PCDH11X: variants seen among roughly 807,000 people sequenced by gnomAD.
PCDH11X encodes protocadherin 11 X-linked.
In PCDH11X, 18 loss-of-function variants were observed where a neutral mutation model predicts 53.3. That is an observed-to-expected ratio of 0.34 (90% confidence interval 0.23 to 0.50). The LOEUF is 0.50. Among genes scored for constraint, PCDH11X ranks in the 20% least tolerant of loss-of-function variants. PCDH11X has a pLI of 0.98. For missense variants in PCDH11X, 570 were observed against 1,032.4 expected (o/e 0.55, Z 6.14); for synonymous variants, 279 against 393.3 (o/e 0.71, Z 3.44).
intron 8 of PCDH11X, among the ~76,000 whole-genome samples, chrX:92,292,730 A>G (rs1352256983): frequency 8.9e-6 from 1 of 112,416 alleles, no homozygotes; most frequent in Non-Finnish European, 1.9e-5. Context: ...ACTATTGGGA[A>G]CAATAGACAA....
chrX:91,790,504 C>T (rs1021893846), intron 1 of PCDH11X, among the ~76,000 whole-genome samples: 7 of 112,184 alleles, frequency 6.2e-5, no homozygotes, highest in Non-Finnish European at 1.3e-4. Flanking sequence ...TTTTCATTTA[C>T]CTAATTTGAA....
chrX:92,297,819 T>C (rs1189713154), intron 8 of PCDH11X, among the ~76,000 whole-genome samples: 1 of 109,072 alleles, frequency 9.2e-6, no homozygotes, highest in Non-Finnish European at 1.9e-5. Flanking sequence ...CTCTAATTTC[T>C]CTGAGCACTG....
chrX:91,970,391 G>A (rs2061940716), intron 6 of PCDH11X, among the ~76,000 whole-genome samples: 1 of 111,278 alleles, frequency 9.0e-6, no homozygotes, highest in African/African-American at 3.3e-5. Flanking sequence ...GGTCCATTTT[G>A]ACAGCGTGCT....
chrX:92,375,504 T>C (rs900505596), intron 8 of PCDH11X, among the ~76,000 whole-genome samples: 3 of 105,088 alleles, frequency 2.9e-5, no homozygotes, highest in African/African-American at 1.0e-4. Flanking sequence ...TAAGAATTAG[T>C]TTATGTTTAT....
intron 8 of PCDH11X, among the ~76,000 whole-genome samples, chrX:92,293,966 A>T (rs1229458424): frequency 9.0e-6 from 1 of 110,564 alleles, no homozygotes; most frequent in Non-Finnish European, 1.9e-5. Context: ...TAGTGTATAG[A>T]TATATTGGTT....
chrX:91,828,120 CTTT>C (rs764755111), intron 4 of PCDH11X, among the ~76,000 whole-genome samples: 2 of 84,868 alleles, frequency 2.4e-5, no homozygotes, highest in African/African-American at 4.7e-5. Context: ...AGGCAGAATT[CTTT>C]TTTTTTTTTT....
intron 6 of PCDH11X, among the ~76,000 whole-genome samples, chrX:92,126,688 A>G (rs1032635435): frequency 1.2e-4 from 12 of 98,134 alleles, no homozygotes; most frequent in Non-Finnish European, 1.6e-4. Context: ...TAAATTTTTT[A>G]CCAGATTGAA....
intron 9 of PCDH11X, among the ~76,000 whole-genome samples, chrX:92,393,676 T>C (rs2754904): frequency 9.0e-6 from 1 of 111,568 alleles, no homozygotes; most frequent in Non-Finnish European, 1.9e-5. Context: ...TGATACTGTC[T>C]ATGATTATTA....
intron 6 of PCDH11X, among the ~76,000 whole-genome samples, chrX:91,893,457 C>T (rs1940600293): frequency 9.3e-6 from 1 of 107,532 alleles, no homozygotes. Flanking sequence ...GCACAAGAAG[C>T]ATCTCAGTGT....
intron 8 of PCDH11X, among the ~76,000 whole-genome samples, chrX:92,284,985 C>T (rs953100700): frequency 1.8e-5 from 2 of 111,229 alleles, no homozygotes; most frequent in African/African-American, 6.5e-5. Flanking sequence ...ATTAAAAGCA[C>T]TTTTTTCCAC....
chrX:91,822,859 T>G (rs769747213), intron 4 of PCDH11X, among the ~76,000 whole-genome samples: 63 of 111,703 alleles, frequency 5.6e-4, no homozygotes, highest in African/African-American at 1.8e-3. Context: ...ATCCCAGAGA[T>G]TCTGGTACGT....
chrX:92,081,804 T>C (rs1209353902), intron 6 of PCDH11X, among the ~76,000 whole-genome samples: 2 of 111,084 alleles, frequency 1.8e-5, no homozygotes, highest in Non-Finnish European at 3.8e-5. Context: ...AAGTGAGAAC[T>C]TGATTTGATC....
At chrX:92,592,043 G>C (rs1029671557) in intron 10 of PCDH11X, among the ~76,000 whole-genome samples, 2 of 90,014 alleles carry the variant, frequency 2.2e-5, no homozygotes, top group Non-Finnish European at 4.4e-5. Context: ...TTAAAAGAAG[G>C]ATCCATAATA....
At chrX:91,896,536 A>G (rs1238467886) in intron 6 of PCDH11X, among the ~76,000 whole-genome samples, 2 of 83,567 alleles carry the variant, frequency 2.4e-5, no homozygotes, top group African/African-American at 9.0e-5. Flanking sequence ...TTATTGTTTT[A>G]CCTGTCTTCA....
At chrX:92,330,697 G>C (rs1444436133) in intron 8 of PCDH11X, among the ~76,000 whole-genome samples, 1 of 111,170 alleles carries the variant, frequency 9.0e-6, no homozygotes, top group African/African-American at 3.3e-5. Context: ...ACAAATTGTA[G>C]CAAGCCAATT....
At chrX:92,128,673 A>G (rs982223025) in intron 6 of PCDH11X, among the ~76,000 whole-genome samples, 2 of 110,690 alleles carry the variant, frequency 1.8e-5, no homozygotes, top group South Asian at 3.8e-4. Flanking sequence ...TGCTGGGATT[A>G]CAGGTGTCAG....
At chrX:92,258,572 T>A (rs917378567) in intron 7 of PCDH11X, among the ~76,000 whole-genome samples, 6 of 110,346 alleles carry the variant, frequency 5.4e-5, no homozygotes, top group Non-Finnish European at 3.8e-5. Flanking sequence ...TTTCACTGTG[T>A]TAGCCAGGAT....
chrX:92,580,747 G>A (rs1175033786), intron 10 of PCDH11X, among the ~76,000 whole-genome samples: 2 of 111,900 alleles, frequency 1.8e-5, no homozygotes, highest in Non-Finnish European at 3.8e-5. Context: ...CCAAGGCCCT[G>A]GTAGCCTGGG....
intron 6 of PCDH11X, among the ~76,000 whole-genome samples, chrX:92,134,666 T>G (rs1311119200): frequency 1.8e-5 from 2 of 110,821 alleles, no homozygotes; most frequent in Non-Finnish European, 3.8e-5. Flanking sequence ...TCCATAGACA[T>G]TTTTATGGTA....
Sources: allele counts gnomAD v4.1 joint callset (sites outside exome capture counted in the v4.1 genomes callset), GRCh38; gene constraint gnomAD v4.1.1; transcripts MANE v1.5; gene names NCBI Gene and HGNC (gene_info 2026-07-23, HGNC 2026-07-21).